The following AKAP11 variants were observed in gnomAD, a reference collection of about 807,000 sequenced individuals.
AKAP11 encodes the protein A-kinase anchoring protein 11.
A neutral mutation model predicts 146.1 loss-of-function variants in AKAP11; 36 were observed. The ratio of observed to expected loss-of-function variants is 0.25; its 90% CI spans 0.19 to 0.33. The LOEUF is 0.33. Among genes scored for constraint, AKAP11 ranks in the 10% least tolerant of loss-of-function variants. The pLI, the probability that AKAP11 is intolerant of heterozygous loss-of-function variation, is 1.00. For missense variants in AKAP11, 2,201 were observed against 2,197.0 expected, an observed-to-expected ratio of 1.00 and a Z score of -0.04; for synonymous variants, 780 against 786.5, an observed-to-expected ratio of 0.99 and a Z score of 0.14.
Position 42,299,673 on chromosome 13 carries a change from A to C in AKAP11, c.927A>C (p.Ser309=), listed in dbSNP as rs1263220600. The change falls in exon 8 of 13, where the codon TCA becomes TCC. Residue 309 remains serine, a synonymous_variant. Coordinates refer to ENST00000025301, the MANE Select transcript of AKAP11 (RefSeq NM_016248.4). ...FSSSPAYSSE[S]ECSSPSPVIF... ...CTTCTCCTGCCTACTCATCTGAATC[A>C]GAATGTTCAAGTCCAAGTCCTGTTA... 2.5e-6 allele frequency: 4 copies of C among 1,613,980 alleles called. No individual in the cohort carries two copies. Among genetic ancestry groups the C allele is most frequent in the Non-Finnish European group, 3.4e-6 (4 of 1,179,884 alleles).
chr13:42,300,128 G>A lies in AKAP11; in HGVS notation c.1382G>A (p.Cys461Tyr). The A allele has an allele frequency of 1.2e-6, 2 of 1,613,926 alleles. No individual in the cohort carries two copies. Among genetic ancestry groups the A allele is most frequent in the Non-Finnish European group, 1.7e-6 (2 of 1,179,840 alleles). The change falls in exon 8 of 13, where the codon TGT becomes TAT. Residue 461 changes from cysteine (C) to tyrosine (Y), a missense_variant. Transcript: ENST00000025301. ...TCTGCTTTTAGTCCTCTTGGAGGCT[G>A]TACTCCAGCTGAATGTTTTTGCCAA... Reference protein sequence around the residue: ...RSSAFSPLGGCTPAECFCQTD... With the variant: ...RSSAFSPLGGYTPAECFCQTD...
rs1314241328 is a variant in AKAP11 at position 42,322,351 on chromosome 13, G to A, written c.*3123G>A. ...GTTTACTTATCTGACTTTGATATTA[G>A]ATGGCTGACATTAGTGCACATAATG... is the stretch of plus-strand genomic sequence containing the variant. On this transcript the variant is annotated 3_prime_UTR_variant, in exon 13 of 13. Coordinates refer to ENST00000025301, the MANE Select transcript of AKAP11 (RefSeq NM_016248.4). 2 of 152,246 alleles carry A rather than the reference G, an allele frequency of 1.3e-5. No individual in the cohort carries two copies. The highest frequency in any genetic ancestry group is 4.8e-5 in the African/African-American group (2 of 41,448). The allele number at this position is 152,246 out of a possible 1,614,324, so 9.4% of individuals were successfully genotyped here. A position where few individuals can be genotyped will look rare whatever the true frequency, so the allele number is the denominator to read the frequency against.
Position 42,300,060 on chromosome 13 carries a change from G to C in AKAP11, c.1314G>C (p.Lys438Asn), listed in dbSNP as rs377564249. Residue 438 changes from lysine to asparagine, a missense_variant, in exon 8 of 13, where the codon AAG becomes AAC. Lys to Asn is a moderately conservative substitution (Grantham distance 94). Around this residue, in one of 3 missense-constraint regions of AKAP11, gnomAD observed 1,867 missense variants for 1,833.5 expected, o/e 1.02. Coordinates refer to ENST00000025301, the MANE Select transcript of AKAP11 (RefSeq NM_016248.4). ...CTCCGGATTCTCCTCGCCCAGTGAA[G>C]GCATCAAGGGAAGATAGTGGTTTAT... is the stretch of plus-strand genomic sequence containing the variant. The part of the protein sequence containing the change: ...CDAPDSPRPV[K>N]ASREDSGLFS... 11 of 1,613,888 alleles carry C rather than the reference G, an allele frequency of 6.8e-6. No individual in the cohort carries two copies. The South Asian group carries it at 1.2e-4, about 18-fold the overall frequency.
rs1959936766 is a variant in AKAP11 at position 42,301,898 on chromosome 13, A to G, written c.3152A>G (p.Asn1051Ser). 2 of 1,614,052 alleles carry G rather than the reference A, an allele frequency of 1.2e-6. No homozygotes were observed. The highest frequency in any genetic ancestry group is 1.7e-6 in the Non-Finnish European group (2 of 1,180,022). The change falls in exon 8 of 13, where the codon AAT (asparagine) becomes AGT (serine). Residue 1051 changes from asparagine to serine, a missense_variant. Asn to Ser is a conservative substitution (Grantham distance 46). Coordinates refer to ENST00000025301, the MANE Select transcript of AKAP11 (RefSeq NM_016248.4). ...KDQPLKKHNLNSTSLEALSFG... is the reference protein window; with the variant it reads ...KDQPLKKHNLSSTSLEALSFG... ...CAACCACTGAAAAAGCATAACTTGAATAGTACATCACTTGAGGCCTTGTCT... is the reference window on the plus strand; with the variant it reads ...CAACCACTGAAAAAGCATAACTTGAGTAGTACATCACTTGAGGCCTTGTCT...
chr13:42,308,377 A>G, intron 8 of AKAP11, 77 bp from the exon 9 acceptor site: 1 of 1,232,344 alleles, frequency 8.1e-7, no homozygotes, highest in Admixed American at 2.3e-5. Flanking sequence ...CATCTTTGTC[A>G]TCAAATTGAT....
Position 42,322,103 on chromosome 13 carries a change from T to G in AKAP11, c.*2875T>G, listed in dbSNP as rs926052643. 6.6e-6 allele frequency: 1 copy of G among 152,298 alleles called. No homozygotes were observed. Among genetic ancestry groups the G allele is most frequent in the African/African-American group, 2.4e-5 (1 of 41,452 alleles). 9.4% of individuals were successfully genotyped at this position (152,298 alleles called of 1,614,324 possible). On this transcript the variant is annotated 3_prime_UTR_variant, in exon 13 of 13. Coordinates refer to ENST00000025301, the MANE Select transcript of AKAP11 (RefSeq NM_016248.4). ...CACAGAAGAAAATGACAATATCTGTTGGATATTTGATATAATTTAATGGTG... is the reference window on the plus strand; with the variant it reads ...CACAGAAGAAAATGACAATATCTGTGGGATATTTGATATAATTTAATGGTG...
At position 42,322,008 on chromosome 13, in the gene AKAP11, A is replaced by G. The variant is rs1849509672; in HGVS notation, c.*2780A>G. 1.3e-5 allele frequency: 2 copies of G among 152,274 alleles called. No homozygotes were observed. Among genetic ancestry groups the G allele is most frequent in the South Asian group, 4.1e-4 (2 of 4,826 alleles). The allele number at this position is 152,274 out of a possible 1,614,324, so 9.4% of individuals were successfully genotyped here. A position where few individuals can be genotyped will look rare whatever the true frequency, so the allele number is the denominator to read the frequency against. On this transcript the variant is annotated 3_prime_UTR_variant, in exon 13 of 13. Transcript: ENST00000025301. Reference sequence around the variant, plus strand: ...CCTAAACCAAGTTAAAATTACATGTATATTTTGGTGTTAAGGTTGATTTTT... The same window carrying G: ...CCTAAACCAAGTTAAAATTACATGTGTATTTTGGTGTTAAGGTTGATTTTT...
intron 9 of AKAP11, among the ~76,000 whole-genome samples, chr13:42,309,567 G>A (rs2138666107): frequency 6.6e-6 from 1 of 152,218 alleles, no homozygotes. Flanking sequence ...TTCGATGCTT[G>A]GATTAACCTG....
In AKAP11 at chr13:42,303,594, GC is replaced by G; in HGVS notation, c.4850del (p.Pro1617GlnfsTer38). On this transcript the variant is annotated frameshift_variant, in exon 8 of 13. Coordinates refer to ENST00000025301, the MANE Select transcript of AKAP11 (RefSeq NM_016248.4). LOFTEE classifies it high-confidence loss of function. ...GACAGGGTTCTCTCGCCAGTAGTAA[GC>G]CAGCTTCTAATCCAAAATTTAGCAG... ...FRQGSLASSKPASNPKFSSRY... is the reference protein window; with the variant it reads ...FRQGSLASSKXASNPKFSSRY... The G allele has an allele frequency of 6.2e-7, 1 of 1,614,188 alleles. No individual in the cohort carries two copies. The highest frequency in any genetic ancestry group is 8.5e-7 in the Non-Finnish European group (1 of 1,180,022).
At chr13:42,276,970 G>T (rs1958937068) in intron 1 of AKAP11, among the ~76,000 whole-genome samples, 2 of 152,162 alleles carry the variant, frequency 1.3e-5, no homozygotes, top group Non-Finnish European at 2.9e-5. Flanking sequence ...CTTGTGGATA[G>T]GGCTACGTAC....
intron 3 of AKAP11, among the ~76,000 whole-genome samples, chr13:42,290,612 A>T (rs1446132359): frequency 1.3e-5 from 2 of 152,128 alleles, no homozygotes; most frequent in Non-Finnish European, 2.9e-5. Flanking sequence ...TTTTAGGTAA[A>T]GGAGCTCCTC....
rs1233935848 is a variant in AKAP11, at chr13:42,297,040, T to C, written c.217-8T>C. The C allele has an allele frequency of 1.9e-6, 3 of 1,591,984 alleles. No homozygotes were observed. The highest frequency in any genetic ancestry group is 2.7e-5 in the African/African-American group (2 of 73,448). ...ACAGTGTTACTTATTGTTATTATTT[T>C]AAATCAGGATTTAGCTGCAGTTTCT... On this transcript the variant is annotated splice_region_variant and splice_polypyrimidine_tract_variant and intron_variant, in intron 5 of 12. Coordinates refer to ENST00000025301, the MANE Select transcript of AKAP11 (RefSeq NM_016248.4).
intron 8 of AKAP11, among the ~76,000 whole-genome samples, chr13:42,307,668 TGGGCCAGGGAGAACA>T (rs1321707609): frequency 2.7e-5 from 4 of 149,784 alleles, no homozygotes; most frequent in Admixed American, 2.7e-4. Flanking sequence ...GTGGGAGGAG[TGGGCCAGGGAGAACA>T]TAGGAGGAGT....
Position 42,301,445 on chromosome 13 carries a change from T to C in AKAP11, c.2699T>C (p.Val900Ala), listed in dbSNP as rs774250655. 1 of 1,613,152 alleles carries C rather than the reference T, an allele frequency of 6.2e-7. No individual in the cohort carries two copies. Among genetic ancestry groups the C allele is most frequent in the Non-Finnish European group, 8.5e-7 (1 of 1,179,776 alleles). ...ACATCATTGGAAGTTACAAAAATGG[T>C]TGATGAACGTACAGATTATTTAACT... ...SMTSLEVTKM[V>A]DERTDYLTKS... The change falls in exon 8 of 13, where the codon GTT becomes GCT. Residue 900 changes from valine (V) to alanine (A), a missense_variant. By Grantham distance (64) the Val-to-Ala change is moderately conservative (BLOSUM62 0). Coordinates refer to ENST00000025301, the MANE Select transcript of AKAP11 (RefSeq NM_016248.4).
intron 6 of AKAP11, 55 bp from the exon 7 acceptor site, chr13:42,298,478 T>C: frequency 6.4e-7 from 1 of 1,559,956 alleles, no homozygotes; most frequent in Non-Finnish European, 8.7e-7. Context: ...CTTTACTTCA[T>C]GTTGTTTTGT....
intron 1 of AKAP11, among the ~76,000 whole-genome samples, chr13:42,273,681 C>G (rs1355413391): frequency 6.6e-6 from 1 of 152,154 alleles, no homozygotes; most frequent in Admixed American, 6.5e-5. Flanking sequence ...GACATGGAAC[C>G]ATAGTGAGAA....
rs1960062919 is a variant in AKAP11 at position 42,303,347 on chromosome 13, A to T, written c.4601A>T (p.Asp1534Val). Residue 1534 changes from aspartate to valine, a missense_variant, in exon 8 of 13, where the codon GAC becomes GTC. Coordinates refer to ENST00000025301, the MANE Select transcript of AKAP11 (RefSeq NM_016248.4). ...TGSLNGYGCGDNVVQAVEQYA... is the reference protein window; with the variant it reads ...TGSLNGYGCGVNVVQAVEQYA... The stretch of plus-strand genomic sequence containing the variant: ...AGTTTAAATGGATATGGTTGTGGAG[A>T]CAATGTTGTTCAAGCTGTAGAACAG... 6.2e-7 allele frequency: 1 copy of T among 1,612,668 alleles called. No individual in the cohort carries two copies. Among genetic ancestry groups the T allele is most frequent in the South Asian group, 1.1e-5 (1 of 91,092 alleles).
In AKAP11 at chr13:42,300,969, G is replaced by C. The variant is rs745980583; in HGVS notation, c.2223G>C (p.Thr741=). ...TAGTGCCATCGACACAGGCTGTCAC[G>C]TTTTCCCCTTCTTTTCACAATCAAG... ...ESVVPSTQAV[T]FSPSFHNQAI... is the part of the protein sequence containing the mutation. Residue 741 remains threonine (T), a synonymous_variant, in exon 8 of 13, where the codon ACG becomes ACC. Coordinates refer to ENST00000025301, the MANE Select transcript of AKAP11 (RefSeq NM_016248.4). 1 of 1,614,060 alleles carries C rather than the reference G, an allele frequency of 6.2e-7. No individual in the cohort carries two copies. The highest frequency in any genetic ancestry group is 8.5e-7 in the Non-Finnish European group (1 of 1,179,966).
chr13:42,286,434 G>A, intron 3 of AKAP11, 35 bp downstream of exon 3: 2 of 1,508,496 alleles, frequency 1.3e-6, no homozygotes, highest in Non-Finnish European at 1.8e-6. Context: ...TTTAGTGAAA[G>A]TTTTAATTAA....
Sources: allele counts gnomAD v4.1 joint callset (sites outside exome capture counted in the v4.1 genomes callset), GRCh38; gene constraint gnomAD v4.1.1; regional missense constraint gnomAD v4.1.1; transcripts MANE v1.5; gene names NCBI Gene and HGNC (gene_info 2026-07-23, HGNC 2026-07-21).